The following EOGT variants were observed in gnomAD, a reference collection of about 807,000 sequenced individuals.
The protein encoded by EOGT is EGF domain-specific O-linked N-acetylglucosamine transferase.
A neutral mutation model predicts 70.5 loss-of-function variants in EOGT; 55 were observed. The observed-to-expected ratio is 0.78, with a 90% CI of 0.63 to 0.98. The LOEUF (loss-of-function observed/expected upper bound fraction) is 0.98, where lower values mean the gene tolerates loss of function less well. Ranked by LOEUF, EOGT falls within the 50% of genes least tolerant of loss-of-function variation. The probability of loss-of-function intolerance (pLI) is 0.00; values close to 1 mark genes in which losing one functional copy is unlikely to be tolerated. For synonymous variants in EOGT, 246 were observed against 217.1 expected, an observed-to-expected ratio of 1.13 and a Z score of -1.17; for missense variants, 703 against 641.9, an observed-to-expected ratio of 1.10 and a Z score of -1.03.
At position 68,998,059 on chromosome 3, in the gene EOGT, G is replaced by T; in HGVS notation, c.783C>A (p.His261Gln). Residue 261 changes from histidine to glutamine, a missense_variant, in exon 10 of 18, where the codon CAC (histidine) becomes CAA (glutamine). Physicochemically the swap from His to Gln is conservative, Grantham distance 24. Coordinates refer to ENST00000383701, the MANE Select transcript of EOGT (RefSeq NM_001278689.2). ...CGTCAGTACTGAATGAGTTATTAAC[G>T]TGCTGAGTAATATAAAGATTGATGA... ...CDFINLYITQHVNNSFSTDVY... is the reference protein window; with the variant it reads ...CDFINLYITQQVNNSFSTDVY... 2 of 1,601,854 alleles carry T rather than the reference G, an allele frequency of 1.2e-6. No homozygotes were observed. Among genetic ancestry groups the T allele is most frequent in the Non-Finnish European group, 1.7e-6 (2 of 1,174,108 alleles).
rs544068326 is a variant in EOGT, at chr3:69,001,556, GAAT to G, written c.727+49_727+51del. On this transcript the variant is annotated intron_variant, in intron 9 of 17. Transcript: ENST00000383701. ...AGAGAATTACTACATCCAAAAAAAG[GAAT>G]AATATCTCATTAACAAATACACAAA... 2.8e-4 allele frequency: 336 copies of G among 1,206,014 alleles called. 2 individuals are homozygous for G. The African/African-American group carries it at 3.5e-3, about 13-fold the overall frequency. 74.7% of individuals were successfully genotyped at this position (1,206,014 alleles called of 1,614,324 possible). A position where few individuals can be genotyped will look rare whatever the true frequency, so the allele number is the denominator to read the frequency against.
At chr3:68,992,309 G>A (rs543211201) in intron 10 of EOGT, among the ~76,000 whole-genome samples, 10 of 152,260 alleles carry the variant, frequency 6.6e-5, no homozygotes, top group South Asian at 6.2e-4. Flanking sequence ...GGGGATACAC[G>A]TATTGGGTAA....
chr3:68,988,887 A>C, intron 11 of EOGT, 38 bp downstream of exon 11: 1 of 1,164,672 alleles, frequency 8.6e-7, no homozygotes, highest in Non-Finnish European at 1.2e-6. Flanking sequence ...TCTGCACTCA[A>C]GAAATATTCA....
chr3:68,991,662 C>G (rs1005215091), intron 10 of EOGT, among the ~76,000 whole-genome samples: 1 of 152,060 alleles, frequency 6.6e-6, no homozygotes, highest in Non-Finnish European at 1.5e-5. Context: ...AGAATATAAA[C>G]ATATTGGCCA....
At chr3:69,009,933 C>CAACAAAAAAAAAAAAAAAAAAA in intron 3 of EOGT, 73 bp from the exon 4 acceptor site, 3 of 255,196 alleles carry the variant, frequency 1.2e-5, no homozygotes, top group Non-Finnish European at 2.2e-5. Flanking sequence ...ACAACAACAA[C>CAACAAAAAAAAAAAAAAAAAAA]AAAAAAAAAA....
rs1173905814 is a variant in EOGT, at chr3:68,987,821, A to G, written c.1084-308T>C. The G allele has an allele frequency of 2.3e-5, 10 of 431,836 alleles. No homozygotes were observed. The Admixed American group carries it at 3.3e-4, about 14-fold the overall frequency. The allele number at this position is 431,836 out of a possible 1,614,324, so 26.8% of individuals were successfully genotyped here. ...GGGAGATATAACCAATGAAGGGGGAAAGGAGGACAGGAGGAAGCACATTCT... is the reference window on the plus strand; with the variant it reads ...GGGAGATATAACCAATGAAGGGGGAGAGGAGGACAGGAGGAAGCACATTCT... On this transcript the variant is annotated intron_variant, in intron 13 of 17. Coordinates refer to ENST00000383701, the MANE Select transcript of EOGT (RefSeq NM_001278689.2).
chr3:68,980,369 T>C (rs1315305449), intron 15 of EOGT, among the ~76,000 whole-genome samples: 1 of 152,232 alleles, frequency 6.6e-6, no homozygotes, highest in Non-Finnish European at 1.5e-5. Flanking sequence ...GGCATTATCC[T>C]GCCTTTGGAA....
Position 68,993,286 on chromosome 3 carries a change from T to C in EOGT, c.832-4269A>G, listed in dbSNP as rs189177185. Among the ~76,000 whole-genome samples the C allele has an allele frequency of 2.2e-4, 34 of 152,314 alleles. No homozygotes were observed. In the East Asian group the frequency reaches 6.0e-3, roughly 27 times the overall value. ...CTTTCACAGCACCCAAATCACCTTT[T>C]GAATACTTTCCTGCTTAGAAATTTC... On this transcript the variant is annotated intron_variant, in intron 10 of 17. Transcript: ENST00000383701.
chr3:68,993,801 C>T (rs1297183755), intron 10 of EOGT, among the ~76,000 whole-genome samples: 18 of 152,102 alleles, frequency 1.2e-4, no homozygotes, highest in Non-Finnish European at 2.2e-4. Context: ...GAGGTAAAGG[C>T]ACTTCTTACA....
At chr3:68,987,400 A>T in intron 14 of EOGT, 45 bp downstream of exon 14, 1 of 1,282,314 alleles carries the variant, frequency 7.8e-7, no homozygotes, top group Non-Finnish European at 1.1e-6. Context: ...AATTTGCTCT[A>T]TGAATTGAAT....
chr3:68,990,921 T>G (rs1404515435), intron 10 of EOGT, among the ~76,000 whole-genome samples: 2 of 151,246 alleles, frequency 1.3e-5, no homozygotes, highest in Admixed American at 6.6e-5. Context: ...AAAAAAAGCC[T>G]TCTTTCCATG....
Position 69,005,194 on chromosome 3 carries a change from C to A in EOGT, c.461G>T (p.Cys154Phe). The change falls in exon 7 of 18, where the codon TGC becomes TTC. Residue 154 changes from cysteine to phenylalanine, a missense_variant. Coordinates refer to ENST00000383701, the MANE Select transcript of EOGT (RefSeq NM_001278689.2). ...SLVCSRYLQYCRATNLYLDLR... is the reference protein window; with the variant it reads ...SLVCSRYLQYFRATNLYLDLR... ...ATCAAGATAGAGATTGGTTGCTCTG[C>A]AGTACTGAAGATAACGGGAACACAC... 6.2e-7 allele frequency: 1 copy of A among 1,606,308 alleles called. No homozygotes were observed. The highest frequency in any genetic ancestry group is 8.5e-7 in the Non-Finnish European group (1 of 1,173,812).
At chr3:68,981,205 T>C (rs572865276) in intron 15 of EOGT, among the ~76,000 whole-genome samples, 1 of 152,308 alleles carries the variant, frequency 6.6e-6, no homozygotes, top group South Asian at 2.1e-4. Flanking sequence ...ATAGTAGCTG[T>C]TTTTACAATT....
At position 68,982,839 on chromosome 3, in the gene EOGT, C is replaced by T. The variant is rs1215770488; in HGVS notation, c.1186G>A (p.Glu396Lys). The change falls in exon 15 of 18, where the codon GAA (glutamate) becomes AAA (lysine). Residue 396 changes from glutamate (E) to lysine (K), a missense_variant. Transcript: ENST00000383701. ...VNALKTVSTF[E>K]VQIVDYKYRE... ...TACTTGTAATCAACAATCTGGACTT[C>T]AAATGTAGATACTGTTTTCAGTGCA... is the stretch of plus-strand genomic sequence containing the variant. The T allele has an allele frequency of 6.2e-7, 1 of 1,605,890 alleles. No homozygotes were observed.
In EOGT at chr3:69,008,410, T is replaced by G. The variant is rs1216667169; in HGVS notation, c.311+18A>C. On this transcript the variant is annotated intron_variant, in intron 5 of 17. Transcript: ENST00000383701. ...GAAAGAGGAAGACTTGAAGAGGGTA[T>G]TCCATATGGAAACTTACCATCCCAT... 6.4e-7 allele frequency: 1 copy of G among 1,555,844 alleles called. No individual in the cohort carries two copies. The highest frequency in any genetic ancestry group is 8.9e-7 in the Non-Finnish European group (1 of 1,126,920).
intron 10 of EOGT, among the ~76,000 whole-genome samples, chr3:68,997,621 G>A (rs1485109453): frequency 1.3e-5 from 2 of 151,928 alleles, no homozygotes; most frequent in Admixed American, 1.3e-4. Flanking sequence ...CACCTGCCTC[G>A]GCCTCCCAAA....
intron 13 of EOGT, 46 bp from the exon 14 acceptor site, chr3:68,987,559 T>C (rs1012244937): frequency 1.4e-6 from 2 of 1,382,976 alleles, no homozygotes; most frequent in Non-Finnish European, 2.0e-6. Flanking sequence ...TATGCCTGGG[T>C]AGATGAATGA....
intron 14 of EOGT, among the ~76,000 whole-genome samples, chr3:68,984,741 A>T (rs890762552): frequency 6.6e-6 from 1 of 151,946 alleles, no homozygotes; most frequent in Non-Finnish European, 1.5e-5. Context: ...GCATGACTGG[A>T]TCTGAAAACC....
chr3:69,005,471 C>A (rs138232674), intron 6 of EOGT, among the ~76,000 whole-genome samples: 1 of 152,100 alleles, frequency 6.6e-6, no homozygotes, highest in Admixed American at 6.5e-5. Context: ...AACTCCCCAA[C>A]GATCTGTCAC....
Sources: allele counts gnomAD v4.1 joint callset (sites outside exome capture counted in the v4.1 genomes callset), GRCh38; gene constraint gnomAD v4.1.1; transcripts MANE v1.5; gene names NCBI Gene and HGNC (gene_info 2026-07-23, HGNC 2026-07-21).